Variants in CAMTA1 observed in about 807,000 individuals in gnomAD.
CAMTA1 encodes the protein calmodulin-binding transcription activator 1.
A neutral mutation model predicts 170.9 loss-of-function variants in CAMTA1; 27 were observed. The ratio of observed to expected loss-of-function variants is 0.16; its 90% CI spans 0.12 to 0.22. The LOEUF is 0.22. Ranked by LOEUF, CAMTA1 falls within the 10% of genes least tolerant of loss-of-function variation. CAMTA1 has a pLI of 1.00. For missense variants in CAMTA1, 1,619 were observed against 2,217.2 expected, an observed-to-expected ratio of 0.73 and a Z score of 5.42; for synonymous variants, 833 against 891.5, an observed-to-expected ratio of 0.93 and a Z score of 1.17.
chr1:7,708,359 G>C (rs752210883), intron 11 of CAMTA1, among the ~76,000 whole-genome samples: 1 of 151,948 alleles, frequency 6.6e-6, no homozygotes, highest in Admixed American at 6.6e-5. Context: ...ATAGCCAGGC[G>C]TGGTGGCTTT....
intron 3 of CAMTA1, among the ~76,000 whole-genome samples, chr1:7,031,161 G>C (rs1702745732): frequency 6.6e-6 from 1 of 151,854 alleles, no homozygotes; most frequent in South Asian, 2.1e-4. Flanking sequence ...GATTATTAAG[G>C]GAGGGATACG....
At chr1:7,182,533 T>A (rs186103770) in intron 4 of CAMTA1, among the ~76,000 whole-genome samples, 5 of 146,710 alleles carry the variant, frequency 3.4e-5, no homozygotes, top group African/African-American at 1.2e-4. Flanking sequence ...AAAACATGGG[T>A]GAGCTTTTCT....
At chr1:7,669,431 G>A (rs1019209129) in intron 9 of CAMTA1, among the ~76,000 whole-genome samples, 1 of 152,276 alleles carries the variant, frequency 6.6e-6, no homozygotes, top group Non-Finnish European at 1.5e-5. Flanking sequence ...CCTTGTAGAG[G>A]CCGGGGCTTC....
chr1:6,959,905 G>A (rs1401643463), intron 3 of CAMTA1, among the ~76,000 whole-genome samples: 2 of 152,120 alleles, frequency 1.3e-5, no homozygotes, highest in Non-Finnish European at 2.9e-5. Flanking sequence ...GGGTGGGAGA[G>A]GACACACATG....
chr1:7,573,945 T>A (rs1008242165), intron 6 of CAMTA1, among the ~76,000 whole-genome samples: 1 of 152,042 alleles, frequency 6.6e-6, no homozygotes, highest in Non-Finnish European at 1.5e-5. Flanking sequence ...GGCTAATTTT[T>A]GTATTTTTAG....
chr1:7,556,452 A>G (rs908047777), intron 6 of CAMTA1, among the ~76,000 whole-genome samples: 7 of 152,230 alleles, frequency 4.6e-5, no homozygotes, highest in African/African-American at 1.7e-4. Context: ...ACCCTGGCCA[A>G]GGTTTTCTGA....
intron 3 of CAMTA1, among the ~76,000 whole-genome samples, chr1:6,911,454 A>G (rs1337671679): frequency 6.6e-6 from 1 of 152,254 alleles, no homozygotes; most frequent in Non-Finnish European, 1.5e-5. Context: ...GCCAGAAACC[A>G]GAAAACAAAG....
At chr1:7,428,199 A>C (rs1243355226) in intron 5 of CAMTA1, among the ~76,000 whole-genome samples, 1 of 152,072 alleles carries the variant, frequency 6.6e-6, no homozygotes, top group African/African-American at 2.4e-5. Context: ...TACTGTTGGG[A>C]AGCACAGCCT....
intron 16 of CAMTA1, among the ~76,000 whole-genome samples, chr1:7,739,818 G>A (rs1276645792): frequency 1.3e-5 from 2 of 152,132 alleles, no homozygotes; most frequent in Non-Finnish European, 2.9e-5. Context: ...ATTTGGGTAG[G>A]GACACAGCCA....
At chr1:7,539,673 C>T (rs1419849776) in intron 6 of CAMTA1, among the ~76,000 whole-genome samples, 1 of 152,236 alleles carries the variant, frequency 6.6e-6, no homozygotes, top group Non-Finnish European at 1.5e-5. Context: ...CGTTCTCATA[C>T]AGAATTGGCT....
At chr1:7,692,709 T>C (rs917687570) in intron 11 of CAMTA1, among the ~76,000 whole-genome samples, 1 of 151,962 alleles carries the variant, frequency 6.6e-6, no homozygotes, top group African/African-American at 2.4e-5. Flanking sequence ...CAGCCTCAGG[T>C]TGTCATTCAC....
chr1:7,019,912 C>T (rs190193306), intron 3 of CAMTA1, among the ~76,000 whole-genome samples: 1 of 152,354 alleles, frequency 6.6e-6, no homozygotes, highest in Admixed American at 6.5e-5. Flanking sequence ...AACAGCTCTC[C>T]TTTCTCCTCT....
intron 6 of CAMTA1, among the ~76,000 whole-genome samples, chr1:7,567,133 C>T (rs953393417): frequency 1.3e-5 from 2 of 152,170 alleles, no homozygotes; most frequent in Admixed American, 1.3e-4. Context: ...GGGGTCCGTT[C>T]CCGGAATGTG....
chr1:7,743,913 AC>A (rs2150080671), intron 16 of CAMTA1, among the ~76,000 whole-genome samples: 1 of 143,714 alleles, frequency 7.0e-6, no homozygotes, highest in African/African-American at 2.6e-5. Context: ...TGCAAGCTCC[AC>A]CTCCCAGGTT....
intron 3 of CAMTA1, among the ~76,000 whole-genome samples, chr1:6,899,909 A>G (rs926098345): frequency 6.6e-6 from 1 of 152,220 alleles, no homozygotes; most frequent in African/African-American, 2.4e-5. Flanking sequence ...CCTCTGTGTT[A>G]TACAAGCATC....
chr1:6,827,173 A>C (rs1036525347), intron 3 of CAMTA1, among the ~76,000 whole-genome samples: 7 of 152,204 alleles, frequency 4.6e-5, no homozygotes, highest in African/African-American at 1.7e-4. Flanking sequence ...AAATTTGAGG[A>C]TCTAGATGGG....
At position 7,663,652 on chromosome 1, in the gene CAMTA1, G is replaced by A; in HGVS notation, c.1105G>A (p.Asp369Asn). 5 of 1,614,148 alleles carry A rather than the reference G, an allele frequency of 3.1e-6. No individual in the cohort carries two copies. Among genetic ancestry groups the A allele is most frequent in the Non-Finnish European group, 4.2e-6 (5 of 1,180,044 alleles). Residue 369 changes from aspartate to asparagine, a missense_variant, in exon 9 of 23, where the codon GAC (aspartate) becomes AAC (asparagine). This residue lies in a region of CAMTA1 where 731 missense variants were observed against 907.6 expected (regional missense o/e 0.81). Transcript: ENST00000303635. ...PVSISSGLNS[D>N]PDMVDSPVVT... is the part of the protein sequence containing the mutation. The stretch of plus-strand genomic sequence containing the variant: ...GTCCATCAGCAGCGGGCTCAACAGC[G>A]ACCCGGACATGGTGGACAGCCCGGT...
chr1:7,704,428 C>A (rs951491872), intron 11 of CAMTA1, among the ~76,000 whole-genome samples: 3 of 144,950 alleles, frequency 2.1e-5, no homozygotes, highest in Non-Finnish European at 4.6e-5. Flanking sequence ...GCCGGGCGGG[C>A]GGAGCGGCGG....
intron 4 of CAMTA1, among the ~76,000 whole-genome samples, chr1:7,118,247 A>G (rs1644448515): frequency 6.7e-6 from 1 of 150,168 alleles, no homozygotes; most frequent in African/African-American, 2.5e-5. Context: ...TTGGGAGTAC[A>G]GGAGTGGCAG....
Sources: allele counts gnomAD v4.1 joint callset (sites outside exome capture counted in the v4.1 genomes callset), GRCh38; gene constraint gnomAD v4.1.1; regional missense constraint gnomAD v4.1.1; transcripts MANE v1.5; gene names NCBI Gene and HGNC (gene_info 2026-07-23, HGNC 2026-07-21).